The following SP3 variants were observed in gnomAD, a reference collection of about 807,000 sequenced individuals.
The protein encoded by SP3 is transcription factor Sp3.
SP3 carries 10 observed loss-of-function variants against 70.3 expected under a neutral mutation model. The observed-to-expected ratio is 0.14, with a 90% CI of 0.09 to 0.24. The LOEUF (loss-of-function observed/expected upper bound fraction) is 0.24, where lower values mean the gene tolerates loss of function less well. Ranked by LOEUF, SP3 falls within the 10% of genes least tolerant of loss-of-function variation. The pLI is 1.00. For missense variants in SP3, 825 were observed against 914.6 expected, an observed-to-expected ratio of 0.90 and a Z score of 1.26; for synonymous variants, 402 against 333.5, an observed-to-expected ratio of 1.21 and a Z score of -2.24.
At chr2:173,964,585 G>A in intron 1 of SP3, 32 bp from the exon 2 acceptor site, 1 of 656,344 alleles carries the variant, frequency 1.5e-6, no homozygotes, top group Admixed American at 2.1e-5. Flanking sequence ...GTGGGGGTGG[G>A]GAGGAAGGCG....
chr2:173,963,948 G>T, intron 2 of SP3, 65 bp from the exon 3 acceptor site: 1 of 1,197,298 alleles, frequency 8.4e-7, no homozygotes. Context: ...GGGTCGGGCC[G>T]CCTTTCGCAC....
intron 6 of SP3, among the ~76,000 whole-genome samples, chr2:173,911,391 C>T (rs1209930421): frequency 4.6e-5 from 7 of 152,218 alleles, no homozygotes; most frequent in Non-Finnish European, 1.0e-4. Context: ...CTCACTTCTT[C>T]TATTAACATA....
At position 173,904,287 on chromosome 2, in the gene SP3, G is replaced by A. The variant is rs1689253689; in HGVS notation, c.*5654C>T. Among the ~76,000 whole-genome samples, 2 of 152,124 alleles carry A rather than the reference G, an allele frequency of 1.3e-5. No individual in the cohort carries two copies. Among genetic ancestry groups the A allele is most frequent in the Non-Finnish European group, 2.9e-5 (2 of 68,012 alleles). ...GGGACCAGTACCGGTCTGTGGCCCA[G>A]GGGTTGGGGACCCTTTTCTATAGGA... On this transcript the variant is annotated 3_prime_UTR_variant, in exon 7 of 7. Coordinates refer to ENST00000310015, the MANE Select transcript of SP3 (RefSeq NM_003111.5).
rs1289620312 is a variant in SP3 at position 173,909,864 on chromosome 2, T to G, written c.*77A>C. 4 of 1,437,844 alleles carry G rather than the reference T, an allele frequency of 2.8e-6. No homozygotes were observed. The highest frequency in any genetic ancestry group is 1.4e-5 in the African/African-American group (1 of 69,668). The allele number at this position is 1,437,844 out of a possible 1,614,324, so 89.1% of individuals were successfully genotyped here. A position where few individuals can be genotyped will look rare whatever the true frequency, so the allele number is the denominator to read the frequency against. On this transcript the variant is annotated 3_prime_UTR_variant, in exon 7 of 7. Transcript: ENST00000310015. ...AAATTTTTGCACATCAATAAAAAGA[T>G]ATCTAAGAACTTAGGAACAATATTC... is the stretch of plus-strand genomic sequence containing the variant.
At chr2:173,937,798 C>T (rs1690248286) in intron 4 of SP3, among the ~76,000 whole-genome samples, 1 of 152,094 alleles carries the variant, frequency 6.6e-6, no homozygotes, top group South Asian at 2.1e-4. Flanking sequence ...AACTCTGGGA[C>T]AATTCTATTT....
In SP3 at chr2:173,908,320, T is replaced by G. The variant is rs1574392826; in HGVS notation, c.*1621A>C. On this transcript the variant is annotated 3_prime_UTR_variant, in exon 7 of 7. Coordinates refer to ENST00000310015, the MANE Select transcript of SP3 (RefSeq NM_003111.5). ...GGCTAAGACTTTTTTTCAAAAATTT[T>G]ATTTAATAAGCTCATTCTTATTTAC... 1 of 152,316 alleles carries G rather than the reference T, an allele frequency of 6.6e-6. No individual in the cohort carries two copies. Among genetic ancestry groups the G allele is most frequent in the African/African-American group, 2.4e-5 (1 of 41,456 alleles). The allele number at this position is 152,316 out of a possible 1,614,324, so 9.4% of individuals were successfully genotyped here. A position where few individuals can be genotyped will look rare whatever the true frequency, so the allele number is the denominator to read the frequency against.
intron 4 of SP3, among the ~76,000 whole-genome samples, chr2:173,945,112 T>C (rs1048077914): frequency 6.6e-6 from 1 of 152,254 alleles, no homozygotes; most frequent in Non-Finnish European, 1.5e-5. Context: ...TTCAGGTTGA[T>C]GAAAGTATCA....
intron 4 of SP3, among the ~76,000 whole-genome samples, chr2:173,946,235 G>C (rs1382641935): frequency 6.6e-6 from 1 of 152,076 alleles, no homozygotes; most frequent in Non-Finnish European, 1.5e-5. Flanking sequence ...AGCTGGGAAA[G>C]GGGTACATGG....
Position 173,910,024 on chromosome 2 carries a change from C to A in SP3, c.2263G>T (p.Ala755Ser). Residue 755 changes from alanine (A) to serine (S), a missense_variant, in exon 7 of 7, where the codon GCC becomes TCC. By Grantham distance (99) the Ala-to-Ser change is moderately conservative. Transcript: ENST00000310015. The part of the protein sequence containing the change: ...VSGIGTVNTS[A>S]TSNQDILTNT... ...GTAAGGATATCTTGATTGCTGGTGGCGGAAGTATTAACAGTTCCTATCCCT... is the reference window on the plus strand; with the variant it reads ...GTAAGGATATCTTGATTGCTGGTGGAGGAAGTATTAACAGTTCCTATCCCT... The A allele has an allele frequency of 1.2e-6, 2 of 1,613,590 alleles. No individual in the cohort carries two copies. The highest frequency in any genetic ancestry group is 1.7e-6 in the Non-Finnish European group (2 of 1,179,780).
intron 4 of SP3, among the ~76,000 whole-genome samples, chr2:173,954,238 A>T (rs900725676): frequency 6.6e-6 from 1 of 152,240 alleles, no homozygotes; most frequent in Admixed American, 6.5e-5. Flanking sequence ...CAACATTCAA[A>T]GAGCAGACTT....
intron 2 of SP3, 61 bp downstream of exon 2, chr2:173,964,344 G>A (rs958165207): frequency 2.2e-5 from 14 of 649,096 alleles, no homozygotes; most frequent in Non-Finnish European, 3.9e-5. Flanking sequence ...GGAGGGGAGA[G>A]GCGAGGGGAG....
intron 1 of SP3, 168 bp from the exon 2 acceptor site, chr2:173,964,721 C>CGTGCTGT: frequency 4.8e-6 from 2 of 416,336 alleles, no homozygotes; most frequent in Non-Finnish European, 8.5e-6. Flanking sequence ...TCCTCCCCTC[C>CGTGCTGT]TGCTGCTGCC....
rs1407948094 is a variant in SP3, at chr2:173,907,134, CTT to C, written c.*2805_*2806del. ...CTCAATCTATAGAAAATGAGATGCTCTTTAAGTGATACTTTCTTAAATTAAAA... is the reference window on the plus strand; with the variant it reads ...CTCAATCTATAGAAAATGAGATGCTCTAAGTGATACTTTCTTAAATTAAAA... On this transcript the variant is annotated 3_prime_UTR_variant, in exon 7 of 7. Coordinates refer to ENST00000310015, the MANE Select transcript of SP3 (RefSeq NM_003111.5). 1 of 152,116 alleles carries C rather than the reference CTT, an allele frequency of 6.6e-6. No individual in the cohort carries two copies. Among genetic ancestry groups the C allele is most frequent in the Admixed American group, 6.6e-5 (1 of 15,266 alleles). 9.4% of individuals were successfully genotyped at this position (152,116 alleles called of 1,614,324 possible). A position where few individuals can be genotyped will look rare whatever the true frequency, so the allele number is the denominator to read the frequency against.
chr2:173,926,346 T>C (rs1255133808), intron 4 of SP3, among the ~76,000 whole-genome samples: 1 of 152,236 alleles, frequency 6.6e-6, no homozygotes, highest in Non-Finnish European at 1.5e-5. Context: ...CCTATTATAA[T>C]CTTATTCTCG....
At chr2:173,917,526 T>C (rs1380510799) in intron 5 of SP3, among the ~76,000 whole-genome samples, 1 of 152,130 alleles carries the variant, frequency 6.6e-6, no homozygotes, top group Non-Finnish European at 1.5e-5. Context: ...TTACCAGTTG[T>C]TAGCAATTAT....
rs759387008 is a variant in SP3, at chr2:173,909,163, AATTCACTATAAC to A, written c.*766_*777del. On this transcript the variant is annotated 3_prime_UTR_variant, in exon 7 of 7. Coordinates refer to ENST00000310015, the MANE Select transcript of SP3 (RefSeq NM_003111.5). ...TCCTCCAATAGTCAAGAAAAGGGAT[AATTCACTATAAC>A]ATTCTCTTACCACCCAAATGCCTCA... 1.3e-5 allele frequency: 2 copies of A among 152,610 alleles called. No individual in the cohort carries two copies. Among genetic ancestry groups the A allele is most frequent in the Non-Finnish European group, 2.9e-5 (2 of 67,986 alleles). The allele number at this position is 152,610 out of a possible 1,614,324, so 9.5% of individuals were successfully genotyped here.
At chr2:173,915,862 A>G (rs975057936) in intron 5 of SP3, 1 of 152,104 alleles carries the variant, frequency 6.6e-6, no homozygotes, top group Non-Finnish European at 1.5e-5. Context: ...TAAATATTTT[A>G]TATTTTACAC....
intron 4 of SP3, among the ~76,000 whole-genome samples, chr2:173,926,351 T>C (rs1689908882): frequency 6.6e-6 from 1 of 152,222 alleles, no homozygotes; most frequent in Non-Finnish European, 1.5e-5. Context: ...TATAATCTTA[T>C]TCTCGGTTTT....
chr2:173,918,001 TA>T (rs1553515545), intron 5 of SP3, among the ~76,000 whole-genome samples: 2 of 150,834 alleles, frequency 1.3e-5, no homozygotes, highest in African/African-American at 2.4e-5. Context: ...TTTTTTTTTT[TA>T]AAAAAAATAT....
Sources: allele counts gnomAD v4.1 joint callset (sites outside exome capture counted in the v4.1 genomes callset), GRCh38; gene constraint gnomAD v4.1.1; transcripts MANE v1.5; gene names NCBI Gene and HGNC (gene_info 2026-07-23, HGNC 2026-07-21).